ABCB1: variants seen among roughly 807,000 people sequenced by gnomAD.
The protein encoded by ABCB1 is ATP binding cassette subfamily B member 1.
Under a neutral mutation model 142.0 loss-of-function variants are expected in ABCB1, and 69 were observed. That is an observed-to-expected ratio of 0.49 (90% CI 0.40 to 0.59). ABCB1 has a LOEUF of 0.59. Among genes scored for constraint, ABCB1 ranks in the 20% least tolerant of loss-of-function variants. The pLI is 0.00. For missense variants in ABCB1, 1,326 were observed against 1,554.7 expected (o/e 0.85, Z 2.47); for synonymous variants, 532 against 539.2 (o/e 0.99, Z 0.18).
At chr7:87,570,336 C>A in intron 4 of ABCB1, 113 bp from the exon 5 acceptor site, 2 of 1,038,184 alleles carry the variant, frequency 1.9e-6, no homozygotes, top group South Asian at 2.5e-5. Context: ...AAAAATAGGT[C>A]GAACTGACTC....
rs564566541 is a variant in ABCB1, at chr7:87,504,241, G to A, written c.*2C>T. 3 of 1,614,096 alleles carry A rather than the reference G, an allele frequency of 1.9e-6. No individual in the cohort carries two copies. In the East Asian group the frequency reaches 6.7e-5, roughly 36 times the overall value. Reference sequence around the variant, plus strand: ...GTATTTAACATCTCATACAGTCAGAGTTCACTGGCGCTTTGTTCCAGCCTG... The same window carrying A: ...GTATTTAACATCTCATACAGTCAGAATTCACTGGCGCTTTGTTCCAGCCTG... On this transcript the variant is annotated 3_prime_UTR_variant, in exon 28 of 28. Coordinates refer to ENST00000622132, the MANE Select transcript of ABCB1 (RefSeq NM_001348946.2).
chr7:87,601,163 A>G (rs1489736218), upstream of ABCB1: 1 of 152,240 alleles, frequency 6.6e-6, no homozygotes, highest in Non-Finnish European at 1.5e-5. Flanking sequence ...CAAAGTTCAC[A>G]TAAGTCTTCA....
At chr7:87,660,552 A>AC (rs1824592227) in intron 1 of ABCB1, among the ~76,000 whole-genome samples, 1 of 151,756 alleles carries the variant, frequency 6.6e-6, no homozygotes, top group Non-Finnish European at 1.5e-5. Context: ...TTTTTTTCTT[A>AC]ACCAGTATTG....
At chr7:87,513,361 G>C (rs1815099837) in intron 25 of ABCB1, among the ~76,000 whole-genome samples, 1 of 152,114 alleles carries the variant, frequency 6.6e-6, no homozygotes, top group Non-Finnish European at 1.5e-5. Context: ...TGTAACTGAT[G>C]CTGTCCATGT....
Position 87,509,500 on chromosome 7 carries a change from A to C in ABCB1, c.3283-19T>G, listed in dbSNP as rs909739867. On this transcript the variant is annotated intron_variant, in intron 25 of 27. Transcript: ENST00000622132. ...CAAGCAGCTGAAAACAAGAGTTCAC[A>C]GATCAACTTCAGGACCAGCACACTT... The C allele has an allele frequency of 6.2e-7, 1 of 1,612,836 alleles. No homozygotes were observed. Among genetic ancestry groups the C allele is most frequent in the Non-Finnish European group, 8.5e-7 (1 of 1,179,260 alleles).
At chr7:87,694,287 C>T (rs1190332863) in intron 1 of ABCB1, among the ~76,000 whole-genome samples, 1 of 152,098 alleles carries the variant, frequency 6.6e-6, no homozygotes, top group African/African-American at 2.4e-5. Flanking sequence ...ATAGATGTGG[C>T]ACCATAAACA....
rs201302701 is a variant in ABCB1 at position 87,541,435 on chromosome 7, T to G, written c.2241A>C (p.Thr747=). 1.2e-6 allele frequency: 2 copies of G among 1,609,388 alleles called. No individual in the cohort carries two copies. The highest frequency in any genetic ancestry group is 1.7e-6 in the Non-Finnish European group (2 of 1,175,680). ...AAAACAAGTTACTATTCTGTCGTTT[T>G]GTTTCAGGATCATCAATTCTTGTAA... ...GVFTRIDDPE[T]KRQNSNLFSL... The change falls in exon 18 of 28, where the codon ACA becomes ACC. Residue 747 remains threonine, a synonymous_variant. Transcript: ENST00000622132.
intron 3 of ABCB1, among the ~76,000 whole-genome samples, chr7:87,587,797 C>T (rs1584904336): frequency 6.7e-6 from 1 of 150,252 alleles, no homozygotes; most frequent in East Asian, 2.0e-4. Context: ...ATGGTGTGAA[C>T]CTGGGAGGCG....
At chr7:87,675,586 A>G (rs1192246444) in intron 1 of ABCB1, among the ~76,000 whole-genome samples, 1 of 150,882 alleles carries the variant, frequency 6.6e-6, no homozygotes, top group Non-Finnish European at 1.5e-5. Context: ...CAAGACACCA[A>G]GAGTACACAA....
intron 1 of ABCB1, among the ~76,000 whole-genome samples, chr7:87,706,912 A>G (rs969764860): frequency 6.6e-6 from 1 of 152,358 alleles, no homozygotes; most frequent in East Asian, 1.9e-4. Context: ...ATGATTTCAC[A>G]GTCTAGTTCT....
chr7:87,680,380 G>A (rs769574717), intron 1 of ABCB1, among the ~76,000 whole-genome samples: 4 of 150,656 alleles, frequency 2.7e-5, no homozygotes, highest in Non-Finnish European at 4.4e-5. Flanking sequence ...AAACTAAAAC[G>A]CGTTGTATCA....
intron 1 of ABCB1, among the ~76,000 whole-genome samples, chr7:87,638,381 T>G (rs1262273908): frequency 9.1e-6 from 1 of 109,908 alleles, no homozygotes; most frequent in Non-Finnish European, 1.9e-5. Flanking sequence ...GTGTGTGTGT[T>G]TCCTCCCCTG....
At chr7:87,572,300 A>G (rs1818087190) in intron 4 of ABCB1, among the ~76,000 whole-genome samples, 1 of 152,174 alleles carries the variant, frequency 6.6e-6, no homozygotes, top group Non-Finnish European at 1.5e-5. Flanking sequence ...AGTTTTCTCA[A>G]TTCTTAAGAT....
chr7:87,643,747 G>T (rs1339935976), intron 1 of ABCB1, among the ~76,000 whole-genome samples: 2 of 151,044 alleles, frequency 1.3e-5, no homozygotes, highest in Non-Finnish European at 1.5e-5. Flanking sequence ...GGCTAGTCTC[G>T]AACTCCTGAG....
Position 87,566,189 on chromosome 7 carries a change from G to T in ABCB1, c.583C>A (p.Gln195Lys). Reference protein sequence around the residue: ...GIGDKIGMFFQSMATFFTGFI... With the variant: ...GIGDKIGMFFKSMATFFTGFI... ...CCAGTGAAAAATGTTGCCATTGACT[G>T]AAAGAACATTCCAATTTTGTCACCA... Residue 195 changes from glutamine to lysine, a missense_variant, in exon 7 of 28, where the codon CAG (glutamine) becomes AAG (lysine). By Grantham distance (53) the Gln-to-Lys change is moderately conservative (BLOSUM62 1). Transcript: ENST00000622132. The T allele has an allele frequency of 6.2e-7, 1 of 1,614,134 alleles. No homozygotes were observed. Among genetic ancestry groups the T allele is most frequent in the Non-Finnish European group, 8.5e-7 (1 of 1,179,986 alleles).
chr7:87,657,484 A>T (rs1230606989), intron 1 of ABCB1, among the ~76,000 whole-genome samples: 3 of 152,200 alleles, frequency 2.0e-5, no homozygotes, highest in Non-Finnish European at 4.4e-5. Flanking sequence ...TGAGGCTATA[A>T]CAGTGTCCCA....
rs201778491 is a variant in ABCB1 at position 87,503,785 on chromosome 7, T to C, written c.*458A>G. 1.5e-5 allele frequency: 3 copies of C among 204,442 alleles called. No homozygotes were observed. The highest frequency in any genetic ancestry group is 2.0e-5 in the Non-Finnish European group (2 of 99,928). 12.7% of individuals were successfully genotyped at this position (204,442 alleles called of 1,614,324 possible). A position where few individuals can be genotyped will look rare whatever the true frequency, so the allele number is the denominator to read the frequency against. On this transcript the variant is annotated 3_prime_UTR_variant, in exon 28 of 28. Transcript: ENST00000622132. ...GAGTAGGTATATTTAAAGAAAACTT[T>C]TTTAAAGCAGAAGTTATCTACAATA...
chr7:87,601,860 A>G (rs1460374550), upstream of ABCB1, among the ~76,000 whole-genome samples: 1 of 152,240 alleles, frequency 6.6e-6, no homozygotes. Flanking sequence ...GCATAGTCTG[A>G]GGATGTTTCC....
chr7:87,527,060 A>G (rs984205134), intron 21 of ABCB1, among the ~76,000 whole-genome samples: 3 of 152,002 alleles, frequency 2.0e-5, no homozygotes, highest in Admixed American at 1.3e-4. Context: ...TTTCTTCTCA[A>G]TGATTTTTTT....
Sources: allele counts gnomAD v4.1 joint callset (sites outside exome capture counted in the v4.1 genomes callset), GRCh38; gene constraint gnomAD v4.1.1; transcripts MANE v1.5; gene names NCBI Gene and HGNC (gene_info 2026-07-23, HGNC 2026-07-21).